Variants in ATP9B observed in about 807,000 individuals in gnomAD.
The protein encoded by ATP9B is probable phospholipid-transporting ATPase IIB.
A neutral mutation model predicts 146.1 loss-of-function variants in ATP9B; 110 were observed. The ratio of observed to expected loss-of-function variants is 0.75; its 90% confidence interval spans 0.65 to 0.88. The LOEUF (loss-of-function observed/expected upper bound fraction) is 0.88. ATP9B is among the 40% of genes least tolerant of loss of function. The probability of loss-of-function intolerance (pLI) is 0.00; values close to 1 mark genes in which losing one functional copy is unlikely to be tolerated. For missense variants in ATP9B, 1,499 were observed against 1,496.4 expected, an observed-to-expected ratio of 1.00 and a Z score of -0.03; for synonymous variants, 604 against 569.7, an observed-to-expected ratio of 1.06 and a Z score of -0.86.
At position 79,345,479 on chromosome 18, in the gene ATP9B, C is replaced by T. The variant is rs755848742; in HGVS notation, c.2524C>T (p.Pro842Ser). The T allele has an allele frequency of 6.2e-7, 1 of 1,613,934 alleles. No homozygotes were observed. The highest frequency in any genetic ancestry group is 8.5e-7 in the Non-Finnish European group (1 of 1,180,046). ...ATTTGTGGAGCTGGCCTGCCAGTGC[C>T]CTGCCGTGGTTTGCTGCCGCTGCTC... ...HEFVELACQC[P>S]AVVCCRCSPT... The change falls in exon 22 of 30, where the codon CCT becomes TCT. Residue 842 changes from proline (P) to serine (S), a missense_variant. Coordinates refer to ENST00000426216, the MANE Select transcript of ATP9B (RefSeq NM_198531.5).
At chr18:79,099,172 G>A (rs1000052661) in intron 2 of ATP9B, among the ~76,000 whole-genome samples, 9 of 151,902 alleles carry the variant, frequency 5.9e-5, no homozygotes, top group Non-Finnish European at 1.2e-4. Context: ...GTTTTGACAG[G>A]TATTATCATT....
chr18:79,111,611 A>T (rs1323452580), intron 3 of ATP9B, among the ~76,000 whole-genome samples: 1 of 152,196 alleles, frequency 6.6e-6, no homozygotes, highest in African/African-American at 2.4e-5. Flanking sequence ...ATACTCACAG[A>T]TCTCAGAGAT....
At chr18:79,119,288 A>G (rs751689818) in intron 4 of ATP9B, among the ~76,000 whole-genome samples, 12 of 152,190 alleles carry the variant, frequency 7.9e-5, no homozygotes, top group Non-Finnish European at 1.3e-4. Flanking sequence ...TTTGTTCACA[A>G]AATTGATGAT....
At chr18:79,249,409 AT>A (rs1269847473) in intron 11 of ATP9B, among the ~76,000 whole-genome samples, 1 of 152,236 alleles carries the variant, frequency 6.6e-6, no homozygotes, top group African/African-American at 2.4e-5. Context: ...AATAAATATT[AT>A]GACAAGTAGA....
rs1204282268 is a variant in ATP9B, at chr18:79,096,522, A to G, written c.166A>G (p.Met56Val). ...TGCGCATTTGGATGAAATGCCACTA[A>G]TGATGTCTGAAGAAGGCTTTGAGAA... is the stretch of plus-strand genomic sequence containing the variant. ...ESAHLDEMPL[M>V]MSEEGFENEE... is the part of the protein sequence containing the mutation. Residue 56 changes from methionine to valine, a missense_variant, in exon 2 of 30, where the codon ATG (methionine) becomes GTG (valine). By Grantham distance (21) the Met-to-Val change is conservative. Coordinates refer to ENST00000426216, the MANE Select transcript of ATP9B (RefSeq NM_198531.5). The G allele has an allele frequency of 1.2e-6, 2 of 1,613,874 alleles. No individual in the cohort carries two copies. Among genetic ancestry groups the G allele is most frequent in the African/African-American group, 1.3e-5 (1 of 74,892 alleles).
chr18:79,289,248 A>G (rs181592791), intron 13 of ATP9B, among the ~76,000 whole-genome samples: 1 of 152,344 alleles, frequency 6.6e-6, no homozygotes, highest in Admixed American at 6.5e-5. Context: ...ACTTTCAGGT[A>G]CGCCAATCAG....
At position 79,092,505 on chromosome 18, in the gene ATP9B, TA is replaced by T. The variant is rs2074412056; in HGVS notation, c.120-3966del. Among the ~76,000 whole-genome samples the T allele has an allele frequency of 2.0e-5, 3 of 152,200 alleles. No individual in the cohort carries two copies. In the South Asian group the frequency reaches 6.2e-4, roughly 31 times the overall value. On this transcript the variant is annotated intron_variant, in intron 1 of 29. Coordinates refer to ENST00000426216, the MANE Select transcript of ATP9B (RefSeq NM_198531.5). The stretch of plus-strand genomic sequence containing the variant: ...TTTACTTTGTAATTTTTTTAATTTT[TA>T]AAAACTTATTGACTTTTTTGTAATA...
At chr18:79,170,158 C>T (rs530200820) in intron 7 of ATP9B, among the ~76,000 whole-genome samples, 22 of 152,274 alleles carry the variant, frequency 1.4e-4, no homozygotes, top group East Asian at 1.9e-4. Flanking sequence ...GAGCTGCAGC[C>T]GGCCGGTAAC....
intron 2 of ATP9B, among the ~76,000 whole-genome samples, chr18:79,107,036 C>T (rs1030020306): frequency 1.3e-5 from 2 of 152,134 alleles, no homozygotes; most frequent in Non-Finnish European, 2.9e-5. Flanking sequence ...TTGAATTTGT[C>T]TGACTTTTGT....
intron 12 of ATP9B, among the ~76,000 whole-genome samples, chr18:79,259,794 A>G (rs2096121959): frequency 6.6e-6 from 1 of 152,160 alleles, no homozygotes. Context: ...AACTTTTAAG[A>G]GCTTTATCAG....
intron 12 of ATP9B, among the ~76,000 whole-genome samples, chr18:79,257,197 G>A (rs554760633): frequency 6.6e-6 from 1 of 152,336 alleles, no homozygotes; most frequent in South Asian, 2.1e-4. Flanking sequence ...CTACTTGAGA[G>A]GCTGAGGCAG....
chr18:79,195,964 A>G (rs901863234), intron 9 of ATP9B, among the ~76,000 whole-genome samples: 1 of 152,218 alleles, frequency 6.6e-6, no homozygotes, highest in East Asian at 1.9e-4. Context: ...GTCTGAAGGT[A>G]CACACTAAAA....
chr18:79,305,453 T>G (rs985914102), intron 14 of ATP9B, among the ~76,000 whole-genome samples: 1 of 152,186 alleles, frequency 6.6e-6, no homozygotes, highest in Non-Finnish European at 1.5e-5. Flanking sequence ...AACACTTTAT[T>G]ATTTTGGATG....
chr18:79,273,898 T>C (rs2096280744), intron 12 of ATP9B, among the ~76,000 whole-genome samples: 1 of 152,226 alleles, frequency 6.6e-6, no homozygotes, highest in South Asian at 2.1e-4. Flanking sequence ...AACAGGTTCA[T>C]GTATCTTCCT....
rs774043276 is a variant in ATP9B at position 79,377,257 on chromosome 18, T to C, written c.3318T>C (p.Phe1106=). Reference sequence around the variant, plus strand: ...GTTTCCTGCCAACAGATGTTGCCTTTATCACCACCGTGACCTTCCTGTGGA... The same window carrying C: ...GTTTCCTGCCAACAGATGTTGCCTTCATCACCACCGTGACCTTCCTGTGGA... The part of the protein sequence containing the change: ...VSFGAFLDVA[F]ITTVTFLWKV... Residue 1106 remains phenylalanine (F), a synonymous_variant, in exon 30 of 30, where the codon TTT becomes TTC. Transcript: ENST00000426216. 4 of 1,612,028 alleles carry C rather than the reference T, an allele frequency of 2.5e-6. No individual in the cohort carries two copies. Among genetic ancestry groups the C allele is most frequent in the Non-Finnish European group, 3.4e-6 (4 of 1,179,994 alleles).
At chr18:79,164,942 T>C (rs1394754002) in intron 7 of ATP9B, among the ~76,000 whole-genome samples, 1 of 152,142 alleles carries the variant, frequency 6.6e-6, no homozygotes, top group Non-Finnish European at 1.5e-5. Flanking sequence ...TGGATTTGCA[T>C]GGACATTTTA....
At chr18:79,373,508 T>TTA (rs1555889598) in intron 27 of ATP9B, among the ~76,000 whole-genome samples, 13,125 of 148,060 alleles carry the variant, frequency 0.089, 1,443 homozygotes, top group African/African-American at 0.25. Flanking sequence ...TTTTTTTTTT[T>TTA]AGACAGAGTC....
chr18:79,311,151 C>CA (rs1036256861), intron 15 of ATP9B, among the ~76,000 whole-genome samples: 5 of 147,080 alleles, frequency 3.4e-5, no homozygotes, highest in Admixed American at 6.7e-5. Flanking sequence ...GACTCAGTCT[C>CA]AAAAAAAAGA....
At chr18:79,355,136 A>G (rs543365871) in intron 25 of ATP9B, among the ~76,000 whole-genome samples, 1 of 152,366 alleles carries the variant, frequency 6.6e-6, no homozygotes, top group South Asian at 2.1e-4. Context: ...CTGCCCCTGC[A>G]CAGCAGCAAA....
Sources: gnomAD v4.1 joint callset for allele counts (sites outside exome capture counted in the v4.1 genomes callset) on GRCh38, gnomAD v4.1.1 for gene constraint, MANE v1.5 for transcripts, NCBI Gene and HGNC (gene_info 2026-07-23, HGNC 2026-07-21) for gene names.